The following ITGA1 variants were observed in gnomAD, a reference collection of about 807,000 sequenced individuals.
The protein encoded by ITGA1 is integrin subunit alpha 1, also known as integrin alpha-1.
Under a neutral mutation model 145.9 loss-of-function variants are expected in ITGA1, and 85 were observed. The observed-to-expected ratio is 0.58, with a 90% CI of 0.49 to 0.70. ITGA1 has a LOEUF of 0.70. Ranked by LOEUF, ITGA1 falls within the 30% of genes least tolerant of loss-of-function variation. The probability of loss-of-function intolerance (pLI) is 0.00; values close to 1 mark genes in which losing one functional copy is unlikely to be tolerated. For missense variants in ITGA1, 1,351 were observed against 1,418.7 expected (o/e 0.95, Z 0.77); for synonymous variants, 520 against 495.3 (o/e 1.05, Z -0.66).
At chr5:52,838,656 CA>C (rs1749201934) in intron 1 of ITGA1, among the ~76,000 whole-genome samples, 1 of 152,064 alleles carries the variant, frequency 6.6e-6, no homozygotes, top group African/African-American at 2.4e-5. Context: ...CAAAATAAAA[CA>C]TAGGTAGGCC....
At chr5:52,905,678 T>A (rs62357156) in intron 11 of ITGA1, 85 bp from the exon 12 acceptor site, 205,896 of 1,090,150 alleles carry the variant, frequency 0.19, 20,782 homozygotes, top group Middle Eastern at 0.3. Flanking sequence ...AAAATGATTA[T>A]CTTGGCCATT....
At chr5:52,856,495 C>G (rs555471837) in intron 2 of ITGA1, among the ~76,000 whole-genome samples, 16 of 152,160 alleles carry the variant, frequency 1.1e-4, no homozygotes, top group African/African-American at 3.6e-4. Flanking sequence ...TATAAAAACA[C>G]CTTCCGAAAC....
At chr5:52,935,167 A>G (rs562663348) in intron 23 of ITGA1, among the ~76,000 whole-genome samples, 1 of 152,190 alleles carries the variant, frequency 6.6e-6, no homozygotes, top group Admixed American at 6.5e-5. Flanking sequence ...TGAGCATAAA[A>G]CTTTGTGTGT....
At chr5:52,855,441 C>T (rs1314365986) in intron 2 of ITGA1, among the ~76,000 whole-genome samples, 1 of 152,104 alleles carries the variant, frequency 6.6e-6, no homozygotes, top group African/African-American at 2.4e-5. Context: ...TTGACACAGT[C>T]GTTAATTCAT....
At chr5:52,831,002 A>G (rs1289797376) in intron 1 of ITGA1, among the ~76,000 whole-genome samples, 1 of 152,286 alleles carries the variant, frequency 6.6e-6, no homozygotes, top group Non-Finnish European at 1.5e-5. Context: ...GTCCTGCATC[A>G]TGTTTTCATC....
At chr5:52,946,425 T>C (rs531956007) in intron 27 of ITGA1, among the ~76,000 whole-genome samples, 109 of 152,194 alleles carry the variant, frequency 7.2e-4, no homozygotes, top group Non-Finnish European at 1.4e-3. Context: ...TGTATATGTC[T>C]ACATTCTTGC....
At position 52,956,769 on chromosome 5, in the gene ITGA1, T is replaced by C. The variant is rs1015190018; in HGVS notation, c.*4318T>C. On this transcript the variant is annotated 3_prime_UTR_variant, in exon 29 of 29. Transcript: ENST00000282588. ...CATCTAAAAAATGAAAAGAAGGGCCTTAAAGTCCTCACATGGATGCTGTAT... is the reference window on the plus strand; with the variant it reads ...CATCTAAAAAATGAAAAGAAGGGCCCTAAAGTCCTCACATGGATGCTGTAT... 6.6e-6 allele frequency: 1 copy of C among 152,176 alleles called. No individual in the cohort carries two copies. Among genetic ancestry groups the C allele is most frequent in the South Asian group, 2.1e-4 (1 of 4,832 alleles). The allele number at this position is 152,176 out of a possible 1,614,324, so 9.4% of individuals were successfully genotyped here. A position where few individuals can be genotyped will look rare whatever the true frequency, so the allele number is the denominator to read the frequency against.
rs1367392256 is a variant in ITGA1, at chr5:52,953,918, C to A, written c.*1467C>A. On this transcript the variant is annotated 3_prime_UTR_variant, in exon 29 of 29. Coordinates refer to ENST00000282588, the MANE Select transcript of ITGA1 (RefSeq NM_181501.2). ...GGGCTCTGCTTTGTTCAAAGAGGAG[C>A]AAATCCACATAGAAATTAAATGTTA... 1 of 151,876 alleles carries A rather than the reference C, an allele frequency of 6.6e-6. No homozygotes were observed. Among genetic ancestry groups the A allele is most frequent in the East Asian group, 1.9e-4 (1 of 5,168 alleles). The allele number at this position is 151,876 out of a possible 1,614,324, so 9.4% of individuals were successfully genotyped here. A position where few individuals can be genotyped will look rare whatever the true frequency, so the allele number is the denominator to read the frequency against.
At chr5:52,839,364 A>G (rs1427652727) in intron 1 of ITGA1, among the ~76,000 whole-genome samples, 1 of 152,162 alleles carries the variant, frequency 6.6e-6, no homozygotes, top group Non-Finnish European at 1.5e-5. Flanking sequence ...TTACATCTGA[A>G]TGTGTTTTCA....
intron 1 of ITGA1, among the ~76,000 whole-genome samples, chr5:52,810,307 G>A (rs575818066): frequency 2.3e-4 from 35 of 152,336 alleles, no homozygotes; most frequent in Admixed American, 1.0e-3. Flanking sequence ...GGGGCCTGGG[G>A]AAGGCCCTGG....
rs150423757 is a variant in ITGA1, at chr5:52,813,878, G to T, written c.61+25464G>T. On this transcript the variant is annotated intron_variant, in intron 1 of 28. Transcript: ENST00000282588. ...CCATTTTAAAGAAGTTGAAGTAAGA[G>T]AACTAACATTTACCAAATACCTTGC... Among the ~76,000 whole-genome samples, 3 of 152,240 alleles carry T rather than the reference G, an allele frequency of 2.0e-5. No homozygotes were observed. In the East Asian group the frequency reaches 5.8e-4, roughly 29 times the overall value.
chr5:52,947,296 G>A (rs1175723849), intron 27 of ITGA1, 49 bp from the exon 28 acceptor site: 1 of 1,099,898 alleles, frequency 9.1e-7, no homozygotes, highest in Non-Finnish European at 1.4e-6. Flanking sequence ...TGTTCCAGGA[G>A]TTCTAATAGG....
chr5:52,823,715 G>T (rs1243687606), intron 1 of ITGA1, among the ~76,000 whole-genome samples: 1 of 152,144 alleles, frequency 6.6e-6, no homozygotes, highest in East Asian at 1.9e-4. Context: ...TCCCAACGGA[G>T]ACTGAGAAAG....
intron 2 of ITGA1, among the ~76,000 whole-genome samples, chr5:52,858,963 AG>A (rs1271928090): frequency 6.6e-6 from 1 of 152,194 alleles, no homozygotes; most frequent in African/African-American, 2.4e-5. Flanking sequence ...CTAACCATAT[AG>A]CTAAGTGAAT....
At chr5:52,932,379 G>A (rs1052477423) in intron 22 of ITGA1, 2 of 343,726 alleles carry the variant, frequency 5.8e-6, no homozygotes, top group African/African-American at 4.2e-5. Flanking sequence ...AGTGTTAGGT[G>A]TTAGTGATAC....
In ITGA1 at chr5:52,955,907, CATA is replaced by C. The variant is rs1325641286; in HGVS notation, c.*3462_*3464del. The C allele has an allele frequency of 2.7e-5, 4 of 150,494 alleles. No individual in the cohort carries two copies. Among genetic ancestry groups the C allele is most frequent in the African/African-American group, 4.9e-5 (2 of 40,748 alleles). 9.3% of individuals were successfully genotyped at this position (150,494 alleles called of 1,614,324 possible). A position where few individuals can be genotyped will look rare whatever the true frequency, so the allele number is the denominator to read the frequency against. On this transcript the variant is annotated 3_prime_UTR_variant, in exon 29 of 29. Transcript: ENST00000282588. ...TTACAAAATTTGATGCTTCTGCAAC[CATA>C]ATAATTTTATCTATAAATGCGTATA...
At chr5:52,887,664 A>T (rs1750075602) in intron 7 of ITGA1, 151 bp from the exon 8 acceptor site, 1 of 622,220 alleles carries the variant, frequency 1.6e-6, no homozygotes, top group Non-Finnish European at 2.7e-6. Context: ...AAGGCTCATT[A>T]TGCCTCCCAA....
intron 8 of ITGA1, among the ~76,000 whole-genome samples, chr5:52,892,218 A>G (rs1158555535): frequency 6.6e-6 from 1 of 152,182 alleles, no homozygotes; most frequent in Non-Finnish European, 1.5e-5. Context: ...TACTATAGCA[A>G]ATAATTGTAT....
rs562726021 is a variant in ITGA1 at position 52,805,394 on chromosome 5, G to A, written c.61+16980G>A. 1.1e-3 allele frequency among the ~76,000 whole-genome samples: 169 copies of A among 152,156 alleles called. 1 individual carries two copies. Among genetic ancestry groups the A allele is most frequent in the African/African-American group, 3.8e-3 (159 of 41,542 alleles). On this transcript the variant is annotated intron_variant, in intron 1 of 28. Transcript: ENST00000282588. The stretch of plus-strand genomic sequence containing the variant: ...AAAAAAATGCATATTAGGAAGATAT[G>A]AGAGAAAAATGATAATGGCCTTATC...
Sources: gnomAD v4.1 joint callset for allele counts (sites outside exome capture counted in the v4.1 genomes callset) on GRCh38, gnomAD v4.1.1 for gene constraint, MANE v1.5 for transcripts, NCBI Gene and HGNC (gene_info 2026-07-23, HGNC 2026-07-21) for gene names.